The following AGK variants were observed in gnomAD, a reference collection of about 807,000 sequenced individuals.
AGK encodes acylglycerol kinase, mitochondrial.
Under a neutral mutation model 66.4 loss-of-function variants are expected in AGK, and 52 were observed. The observed-to-expected ratio is 0.78, with a 90% CI of 0.63 to 0.99. The LOEUF (loss-of-function observed/expected upper bound fraction) is 0.99, where lower values mean the gene tolerates loss of function less well. AGK is among the 50% of genes least tolerant of loss of function. The pLI is 0.00. For synonymous variants in AGK, 182 were observed against 181.1 expected (o/e 1.00, Z -0.04); for missense variants, 451 against 506.6 (o/e 0.89, Z 1.05).
intron 14 of AGK, among the ~76,000 whole-genome samples, chr7:141,650,319 C>T (rs1181899533): frequency 2.0e-5 from 3 of 152,226 alleles, no homozygotes; most frequent in African/African-American, 7.2e-5. Flanking sequence ...TCTTCATTGA[C>T]AGTCTGGCCA....
chr7:141,583,747 A>G (rs890123151), intron 2 of AGK, among the ~76,000 whole-genome samples: 4 of 152,004 alleles, frequency 2.6e-5, no homozygotes, highest in Admixed American at 6.5e-5. Context: ...GTTCACGGAT[A>G]AAACATGTCT....
At chr7:141,575,195 ATGTC>A (rs1464620703) in intron 2 of AGK, among the ~76,000 whole-genome samples, 2 of 152,234 alleles carry the variant, frequency 1.3e-5, no homozygotes, top group Non-Finnish European at 2.9e-5. Flanking sequence ...TCATTTGAGA[ATGTC>A]TGTAGAGAAC....
At chr7:141,583,835 G>C (rs1279688630) in intron 2 of AGK, among the ~76,000 whole-genome samples, 1 of 151,978 alleles carries the variant, frequency 6.6e-6, no homozygotes, top group Non-Finnish European at 1.5e-5. Flanking sequence ...AAGATTGAAA[G>C]GAGAAAGAGG....
chr7:141,592,836 T>G (rs780445932), intron 2 of AGK, among the ~76,000 whole-genome samples: 3 of 152,142 alleles, frequency 2.0e-5, no homozygotes, highest in Non-Finnish European at 4.4e-5. Flanking sequence ...CCCGAGTAGT[T>G]GGGATTACAG....
chr7:141,625,581 T>C (rs543668725), intron 9 of AGK, among the ~76,000 whole-genome samples: 4 of 152,306 alleles, frequency 2.6e-5, no homozygotes, highest in Admixed American at 2.6e-4. Flanking sequence ...CATCTATTGA[T>C]GACCTTTGGT....
intron 8 of AGK, 124 bp downstream of exon 8, chr7:141,615,689 AC>A (rs1280404658): frequency 1.3e-6 from 1 of 781,518 alleles, no homozygotes; most frequent in African/African-American, 1.7e-5. Context: ...TAAGAGGAGG[AC>A]CTAGATCAGA....
chr7:141,635,079 A>C (rs1332525240), intron 10 of AGK, among the ~76,000 whole-genome samples: 1 of 152,204 alleles, frequency 6.6e-6, no homozygotes, highest in East Asian at 1.9e-4. Context: ...GCTTTCCCCA[A>C]AAAAGTCTGG....
intron 9 of AGK, among the ~76,000 whole-genome samples, chr7:141,622,091 T>A (rs1041056996): frequency 6.6e-5 from 10 of 151,804 alleles, no homozygotes; most frequent in Non-Finnish European, 7.4e-5. Flanking sequence ...TACACTTAGC[T>A]ACTTTTTTTT....
intron 2 of AGK, among the ~76,000 whole-genome samples, chr7:141,592,642 T>G (rs935843190): frequency 2.6e-5 from 4 of 152,290 alleles, no homozygotes; most frequent in African/African-American, 9.6e-5. Flanking sequence ...TAACACAGAC[T>G]TTTATTCGGA....
intron 5 of AGK, among the ~76,000 whole-genome samples, chr7:141,606,449 G>A (rs1250058517): frequency 6.6e-6 from 1 of 152,064 alleles, no homozygotes; most frequent in African/African-American, 2.4e-5. Flanking sequence ...TCATTATCTT[G>A]TTTGCTATGT....
intron 13 of AGK, among the ~76,000 whole-genome samples, chr7:141,644,971 C>T (rs1282635803): frequency 6.6e-6 from 1 of 151,614 alleles, no homozygotes; most frequent in African/African-American, 2.4e-5. Context: ...CTCTGCTTCT[C>T]TTATTATAGT....
chr7:141,554,110 C>T (rs975496160), intron 1 of AGK, among the ~76,000 whole-genome samples: 27 of 151,810 alleles, frequency 1.8e-4, no homozygotes, highest in African/African-American at 3.9e-4. Context: ...ATGGCCAAGG[C>T]GGGAGGATTG....
intron 2 of AGK, among the ~76,000 whole-genome samples, chr7:141,588,642 A>G (rs973188695): frequency 5.9e-5 from 9 of 151,750 alleles, no homozygotes; most frequent in African/African-American, 2.2e-4. Context: ...AAAGTAAAAG[A>G]TTAAAAGGTT....
rs567139190 is a variant in AGK, at chr7:141,566,872, A to T, written c.101+11305A>T. ...CATCTTCACTCAAGTCTGCATTCCC[A>T]TGTGTTTGGTGACCTGTTCTCATCT... On this transcript the variant is annotated intron_variant, in intron 2 of 15. Coordinates refer to ENST00000649286, the MANE Select transcript of AGK (RefSeq NM_018238.4). Among the ~76,000 whole-genome samples, 6 of 152,084 alleles carry T rather than the reference A, an allele frequency of 3.9e-5. No homozygotes were observed. The South Asian group carries it at 1.2e-3, about 32-fold the overall frequency.
chr7:141,557,884 C>T (rs1167964089), intron 2 of AGK, among the ~76,000 whole-genome samples: 1 of 152,134 alleles, frequency 6.6e-6, no homozygotes, highest in Non-Finnish European at 1.5e-5. Context: ...TCACCTTAAC[C>T]ATTTGTAAAT....
chr7:141,636,948 G>A lies in AGK; in HGVS notation c.669-12G>A. On this transcript the variant is annotated splice_polypyrimidine_tract_variant and intron_variant, in intron 10 of 15. Transcript: ENST00000649286. ...ATATTCTTATCAGATTTTTATCTTG[G>A]TCTTTTCACAGGTACTGGTATCTTG... 2 of 1,608,958 alleles carry A rather than the reference G, an allele frequency of 1.2e-6. No individual in the cohort carries two copies. Among genetic ancestry groups the A allele is most frequent in the East Asian group, 4.5e-5 (2 of 44,786 alleles).
At position 141,652,795 on chromosome 7, in the gene AGK, G is replaced by A. The variant is rs1201793604; in HGVS notation, c.1140G>A (p.Gly380=). ...TATTCTCTTCTCCCCAGGGAGCAGG[G>A]GGCTCTTTTAGCATTGACAGTGAGG... ...QCTLLIPEGA[G]GSFSIDSEEY... Residue 380 remains glycine, a synonymous_variant, in exon 16 of 16, where the codon GGG becomes GGA. Coordinates refer to ENST00000649286, the MANE Select transcript of AGK (RefSeq NM_018238.4). 4 of 1,613,218 alleles carry A rather than the reference G, an allele frequency of 2.5e-6. No homozygotes were observed. The highest frequency in any genetic ancestry group is 3.4e-6 in the Non-Finnish European group (4 of 1,179,982).
intron 2 of AGK, among the ~76,000 whole-genome samples, chr7:141,576,417 C>G (rs1462022894): frequency 1.3e-5 from 2 of 151,608 alleles, no homozygotes; most frequent in East Asian, 3.9e-4. Flanking sequence ...TTAAAGAGAG[C>G]AGGGGTACCA....
chr7:141,567,026 C>T (rs1795485966), intron 2 of AGK, among the ~76,000 whole-genome samples: 1 of 152,008 alleles, frequency 6.6e-6, no homozygotes, highest in Non-Finnish European at 1.5e-5. Context: ...CATTAATGGC[C>T]TCTTAGTTGT....
Sources: allele counts gnomAD v4.1 joint callset (sites outside exome capture counted in the v4.1 genomes callset), GRCh38; gene constraint gnomAD v4.1.1; transcripts MANE v1.5; gene names NCBI Gene and HGNC (gene_info 2026-07-23, HGNC 2026-07-21).